Variants in ETV6 observed in about 807,000 individuals in gnomAD.
The protein encoded by ETV6 is transcription factor ETV6.
Under a neutral mutation model 51.1 loss-of-function variants are expected in ETV6, and 16 were observed. That is an observed-to-expected ratio of 0.31 (90% CI 0.21 to 0.48). The LOEUF (loss-of-function observed/expected upper bound fraction) is 0.48, where lower values mean the gene tolerates loss of function less well. Ranked by LOEUF, ETV6 falls within the 20% of genes least tolerant of loss-of-function variation. The pLI is 0.99. For missense variants in ETV6, 458 were observed against 594.8 expected, an observed-to-expected ratio of 0.77 and a Z score of 2.39; for synonymous variants, 240 against 224.1, an observed-to-expected ratio of 1.07 and a Z score of -0.64.
chr12:11,736,726 TC>T (rs1412272372), intron 1 of ETV6, among the ~76,000 whole-genome samples: 2 of 152,146 alleles, frequency 1.3e-5, no homozygotes, highest in East Asian at 3.9e-4. Context: ...GGTGAGCGCA[TC>T]TACTGGAGAG....
intron 1 of ETV6, among the ~76,000 whole-genome samples, chr12:11,716,075 T>C (rs554477255): frequency 5.3e-4 from 81 of 152,138 alleles, no homozygotes; most frequent in African/African-American, 1.7e-3. Context: ...TTAAGACCAT[T>C]TGGGGCCGGG....
chr12:11,872,039 G>A (rs1400193665), intron 5 of ETV6, among the ~76,000 whole-genome samples: 3 of 152,152 alleles, frequency 2.0e-5, no homozygotes, highest in Non-Finnish European at 4.4e-5. Flanking sequence ...ATACCCTCTC[G>A]TCTTGTTTCT....
chr12:11,696,994 A>G (rs1159224678), intron 1 of ETV6, among the ~76,000 whole-genome samples: 1 of 152,236 alleles, frequency 6.6e-6, no homozygotes, highest in Non-Finnish European at 1.5e-5. Context: ...CAGATAGATA[A>G]GTTATAGAAA....
chr12:11,752,673 A>T (rs1866059188), intron 2 of ETV6, 94 bp downstream of exon 2: 1 of 1,474,696 alleles, frequency 6.8e-7, no homozygotes, highest in African/African-American at 1.4e-5. Context: ...GCAAGCTCTG[A>T]GGTGGTTTTC....
At chr12:11,849,257 C>G (rs908348253) in intron 3 of ETV6, among the ~76,000 whole-genome samples, 2 of 151,930 alleles carry the variant, frequency 1.3e-5, no homozygotes, top group Non-Finnish European at 2.9e-5. Context: ...ACAATGGGCA[C>G]GCATCACCAC....
rs150104840 is a variant in ETV6 at position 11,791,986 on chromosome 12, G to A, written c.163+39407G>A. Among the ~76,000 whole-genome samples, 7 of 152,286 alleles carry A rather than the reference G, an allele frequency of 4.6e-5. No individual in the cohort carries two copies. The East Asian group carries it at 7.7e-4, about 17-fold the overall frequency. On this transcript the variant is annotated intron_variant, in intron 2 of 7. Coordinates refer to ENST00000396373, the MANE Select transcript of ETV6 (RefSeq NM_001987.5). ...TTTTGAGAACCCCGTTGGGAGGGTC[G>A]TACACATCACTGATGGTCATTTAGA...
At chr12:11,705,852 A>C (rs1427515321) in intron 1 of ETV6, among the ~76,000 whole-genome samples, 2 of 152,210 alleles carry the variant, frequency 1.3e-5, no homozygotes, top group East Asian at 3.8e-4. Flanking sequence ...GCAGGCCAGG[A>C]GTCAGTTCAG....
intron 1 of ETV6, among the ~76,000 whole-genome samples, chr12:11,730,407 T>C (rs549250072): frequency 6.6e-6 from 1 of 152,364 alleles, no homozygotes; most frequent in Admixed American, 6.5e-5. Flanking sequence ...GCTGCTGCTC[T>C]GGGGTTGCCA....
At chr12:11,855,800 G>C (rs1041140729) in intron 4 of ETV6, among the ~76,000 whole-genome samples, 1 of 151,992 alleles carries the variant, frequency 6.6e-6, no homozygotes, top group Non-Finnish European at 1.5e-5. Context: ...TTTAGCAGCT[G>C]CCCTCCTCCC....
intron 7 of ETV6, among the ~76,000 whole-genome samples, chr12:11,886,917 G>A (rs1947197172): frequency 6.6e-6 from 1 of 152,218 alleles, no homozygotes; most frequent in South Asian, 2.1e-4. Context: ...TGGGCCAGAA[G>A]AGAGTGGCAG....
intron 1 of ETV6, among the ~76,000 whole-genome samples, chr12:11,672,331 A>G (rs1864333816): frequency 6.6e-6 from 1 of 152,204 alleles, no homozygotes; most frequent in Non-Finnish European, 1.5e-5. Flanking sequence ...AAAGCATTTC[A>G]TCCTCCAAAT....
intron 2 of ETV6, among the ~76,000 whole-genome samples, chr12:11,805,542 G>T (rs559246609): frequency 9.8e-4 from 149 of 152,308 alleles, no homozygotes; most frequent in Non-Finnish European, 1.4e-3. Flanking sequence ...CTGGTGTGTC[G>T]CATACATTTA....
rs113048278 is a variant in ETV6 at position 11,741,913 on chromosome 12, C to A, written c.34-10537C>A. Among the ~76,000 whole-genome samples, 1,308 of 152,322 alleles carry A rather than the reference C, an allele frequency of 8.6e-3. 2 individuals carry two copies. Among genetic ancestry groups the A allele is most frequent in the Non-Finnish European group, 0.011 (738 of 68,032 alleles). ...CCTGGGAGCTTTAACAGCGTTCATG[C>A]CTGGCTCCCATCCCTGGAGATTTAC... On this transcript the variant is annotated intron_variant, in intron 1 of 7. Transcript: ENST00000396373.
At chr12:11,745,642 C>T (rs973808985) in intron 1 of ETV6, among the ~76,000 whole-genome samples, 3 of 151,822 alleles carry the variant, frequency 2.0e-5, no homozygotes, top group African/African-American at 7.2e-5. Context: ...GACTCAGCTC[C>T]TTCTTGGTGT....
intron 2 of ETV6, among the ~76,000 whole-genome samples, chr12:11,830,774 C>T (rs1217775616): frequency 6.6e-6 from 1 of 152,196 alleles, no homozygotes; most frequent in African/African-American, 2.4e-5. Context: ...TAACTCTTAA[C>T]ACATGTACCT....
At chr12:11,808,444 C>CAA (rs76127717) in intron 2 of ETV6, among the ~76,000 whole-genome samples, 5 of 135,846 alleles carry the variant, frequency 3.7e-5, no homozygotes, top group African/African-American at 1.1e-4. Flanking sequence ...AAACAAAAAA[C>CAA]AAAAAAAAAA....
intron 2 of ETV6, among the ~76,000 whole-genome samples, chr12:11,795,629 C>G (rs957310822): frequency 6.6e-6 from 1 of 152,230 alleles, no homozygotes; most frequent in African/African-American, 2.4e-5. Flanking sequence ...TCGATTTCAC[C>G]ACTACATCTC....
At chr12:11,881,100 G>A (rs969775192) in intron 5 of ETV6, among the ~76,000 whole-genome samples, 17 of 152,078 alleles carry the variant, frequency 1.1e-4, no homozygotes, top group Non-Finnish European at 2.1e-4. Flanking sequence ...ACCACGCCTG[G>A]ATAATTTTTA....
intron 1 of ETV6, 53 bp downstream of exon 1, chr12:11,650,213 C>T: frequency 1.3e-6 from 2 of 1,496,690 alleles, no homozygotes; most frequent in South Asian, 1.1e-5. Context: ...GCTGCACCGG[C>T]CAGGGCAGTC....
Sources: gnomAD v4.1 joint callset for allele counts (sites outside exome capture counted in the v4.1 genomes callset) on GRCh38, gnomAD v4.1.1 for gene constraint, MANE v1.5 for transcripts, NCBI Gene and HGNC (gene_info 2026-07-23, HGNC 2026-07-21) for gene names.